GALNT14: variants seen among roughly 807,000 people sequenced by gnomAD.
GALNT14 encodes the protein polypeptide N-acetylgalactosaminyltransferase 14.
In GALNT14, 60 loss-of-function variants were observed where a neutral mutation model predicts 77.5. That is an observed-to-expected ratio of 0.77 (90% confidence interval 0.63 to 0.96). The LOEUF (loss-of-function observed/expected upper bound fraction) is 0.96, where lower values mean the gene tolerates loss of function less well. Ranked by LOEUF, GALNT14 falls within the 40% of genes least tolerant of loss-of-function variation. The pLI, the probability that GALNT14 is intolerant of heterozygous loss-of-function variation, is 0.00. For missense variants in GALNT14, 710 were observed against 731.0 expected (o/e 0.97, Z 0.33); for synonymous variants, 280 against 281.7 (o/e 0.99, Z 0.06).
intron 1 of GALNT14, among the ~76,000 whole-genome samples, chr2:31,081,222 C>A (rs1676139043): frequency 1.3e-5 from 2 of 152,154 alleles, no homozygotes; most frequent in African/African-American, 4.8e-5. Flanking sequence ...AAGGATAAGG[C>A]CTCGTGAAGG....
intron 1 of GALNT14, among the ~76,000 whole-genome samples, chr2:31,105,009 A>G (rs1308394403): frequency 6.6e-6 from 1 of 152,198 alleles, no homozygotes. Context: ...GCAACTACCA[A>G]TCTCTACCAA....
chr2:31,010,651 C>A (rs1045115162), intron 1 of GALNT14, among the ~76,000 whole-genome samples: 1 of 152,110 alleles, frequency 6.6e-6, no homozygotes, highest in Non-Finnish European at 1.5e-5. Flanking sequence ...CATTCTGGCT[C>A]AGAATCCCTC....
At chr2:30,901,634 CAT>C in the GALNT14 span, among the ~76,000 whole-genome samples, 7 of 151,048 alleles carry the variant, frequency 4.6e-5, no homozygotes, top group African/African-American at 1.5e-4. Context: ...TCCTTTAATA[CAT>C]ATATGATTAT....
chr2:31,137,257 C>T (rs1170978770), intron 1 of GALNT14, among the ~76,000 whole-genome samples: 1 of 152,206 alleles, frequency 6.6e-6, no homozygotes, highest in African/African-American at 2.4e-5. Context: ...TAAGAGTGAG[C>T]CTATAGGGGG....
rs1357239934 is a variant in GALNT14, at chr2:31,118,612, TA to T, written c.129+19345del. ...TAGAATATCTAATAAAGGTGAGCAG[TA>T]AATAATGAACACTAAAGCCATTTGC... is the stretch of plus-strand genomic sequence containing the variant. On this transcript the variant is annotated intron_variant, in intron 1 of 14. Transcript: ENST00000349752. Among the ~76,000 whole-genome samples, 4 of 152,092 alleles carry T rather than the reference TA, an allele frequency of 2.6e-5. No homozygotes were observed. The East Asian group carries it at 7.7e-4, about 29-fold the overall frequency.
At chr2:31,024,307 C>T (rs1033834718) in intron 1 of GALNT14, among the ~76,000 whole-genome samples, 2 of 152,152 alleles carry the variant, frequency 1.3e-5, no homozygotes, top group African/African-American at 4.8e-5. Flanking sequence ...CAAGTCAGAT[C>T]ACATCACATC....
At chr2:31,064,325 A>G (rs1405852364) in intron 1 of GALNT14, among the ~76,000 whole-genome samples, 1 of 152,244 alleles carries the variant, frequency 6.6e-6, no homozygotes, top group Non-Finnish European at 1.5e-5. Flanking sequence ...TGAGGAGAAT[A>G]ATATAAGATG....
intron 1 of GALNT14, among the ~76,000 whole-genome samples, chr2:31,065,818 C>G (rs1040324638): frequency 1.2e-4 from 19 of 152,164 alleles, no homozygotes; most frequent in Non-Finnish European, 2.6e-4. Flanking sequence ...AAGAGCCCAG[C>G]AGAAGTCAAG....
chr2:31,131,669 G>A (rs1678999278), intron 1 of GALNT14, among the ~76,000 whole-genome samples: 2 of 152,194 alleles, frequency 1.3e-5, no homozygotes, highest in Non-Finnish European at 2.9e-5. Context: ...GAGGCATGGT[G>A]TAGGATGTAG....
chr2:31,039,877 CAT>C (rs1267821883), intron 1 of GALNT14, among the ~76,000 whole-genome samples: 2 of 152,160 alleles, frequency 1.3e-5, no homozygotes, highest in Non-Finnish European at 2.9e-5. Flanking sequence ...ATAAACTTCA[CAT>C]GAGAAATGTA....
At chr2:30,970,882 C>T (rs1445051391) in intron 2 of GALNT14, among the ~76,000 whole-genome samples, 3 of 152,156 alleles carry the variant, frequency 2.0e-5, no homozygotes, top group Non-Finnish European at 2.9e-5. Flanking sequence ...CCCTCACAAC[C>T]GCCCCCACTC....
intron 1 of GALNT14, among the ~76,000 whole-genome samples, chr2:31,137,718 A>G (rs1284707778): frequency 6.6e-6 from 1 of 152,156 alleles, no homozygotes; most frequent in African/African-American, 2.4e-5. Context: ...CCCGCTCCGC[A>G]GGCGAGCGCG....
intron 1 of GALNT14, among the ~76,000 whole-genome samples, chr2:31,035,613 ACACCTACACACACACAC>A (rs1672686095): frequency 2.5e-5 from 1 of 40,444 alleles, no homozygotes; most frequent in African/African-American, 1.6e-4. Flanking sequence ...ACACACACAC[ACACCTACACACACACAC>A]ACACACACAC....
At chr2:30,963,263 CAG>C (rs1387438431) in intron 3 of GALNT14, among the ~76,000 whole-genome samples, 1 of 152,196 alleles carries the variant, frequency 6.6e-6, no homozygotes, top group Non-Finnish European at 1.5e-5. Flanking sequence ...GGCAGGCAGA[CAG>C]AGGAGCCGCG....
chr2:31,077,146 T>C (rs1675853728), intron 1 of GALNT14, among the ~76,000 whole-genome samples: 2 of 152,226 alleles, frequency 1.3e-5, no homozygotes, highest in South Asian at 2.1e-4. Flanking sequence ...TGCTAAGCAG[T>C]GGGCATTTTT....
At chr2:30,944,734 G>T in intron 8 of GALNT14, 124 bp downstream of exon 8, 1 of 703,200 alleles carries the variant, frequency 1.4e-6, no homozygotes, top group African/African-American at 1.8e-5. Flanking sequence ...AAGTGGAGAT[G>T]GCCTGGCAAA....
At chr2:31,039,644 T>C (rs930956072) in intron 1 of GALNT14, among the ~76,000 whole-genome samples, 4 of 152,138 alleles carry the variant, frequency 2.6e-5, no homozygotes, top group Non-Finnish European at 5.9e-5. Flanking sequence ...TGCCTAGTCC[T>C]GTCATTTATG....
chr2:31,064,226 G>A (rs1413640575), intron 1 of GALNT14, among the ~76,000 whole-genome samples: 2 of 152,232 alleles, frequency 1.3e-5, no homozygotes, highest in East Asian at 1.9e-4. Flanking sequence ...TTCCTACTGT[G>A]TGCAGGCACA....
intron 11 of GALNT14, among the ~76,000 whole-genome samples, chr2:30,925,544 C>T (rs906330765): frequency 2.0e-4 from 31 of 152,100 alleles, no homozygotes; most frequent in Non-Finnish European, 8.8e-5. Context: ...GAGGTAGGGG[C>T]CCCTGCTAGA....
Sources: allele counts gnomAD v4.1 joint callset (sites outside exome capture counted in the v4.1 genomes callset), GRCh38; gene constraint gnomAD v4.1.1; transcripts MANE v1.5; gene names NCBI Gene and HGNC (gene_info 2026-07-23, HGNC 2026-07-21).